The following SEMA6D variants were observed in gnomAD, a reference collection of about 807,000 sequenced individuals.
SEMA6D encodes semaphorin 6D, also known as semaphorin-6D.
In SEMA6D, 35 loss-of-function variants were observed where a neutral mutation model predicts 106.6. The ratio of observed to expected loss-of-function variants is 0.33; its 90% CI spans 0.25 to 0.44. The LOEUF (loss-of-function observed/expected upper bound fraction) is 0.44, where lower values mean the gene tolerates loss of function less well. SEMA6D is among the 20% of genes least tolerant of loss of function. The pLI is 1.00. For missense variants in SEMA6D, 1,185 were observed against 1,345.9 expected (o/e 0.88, Z 1.87); for synonymous variants, 499 against 487.7 (o/e 1.02, Z -0.31).
At chr15:47,356,527 G>A (rs1358064657) in intron 1 of SEMA6D, among the ~76,000 whole-genome samples, 2 of 151,088 alleles carry the variant, frequency 1.3e-5, no homozygotes, top group African/African-American at 4.9e-5. Flanking sequence ...AGAGGAGGAG[G>A]AGGAATTTAA....
At chr15:47,745,587 C>G (rs2081083389) in intron 1 of SEMA6D, among the ~76,000 whole-genome samples, 1 of 152,206 alleles carries the variant, frequency 6.6e-6, no homozygotes, top group African/African-American at 2.4e-5. Context: ...CATGGATTGA[C>G]CTAAACTCCC....
chr15:47,758,224 G>A (rs1178408638), intron 1 of SEMA6D, among the ~76,000 whole-genome samples: 1 of 152,148 alleles, frequency 6.6e-6, no homozygotes, highest in East Asian at 1.9e-4. Context: ...TTGTACTTTA[G>A]TTAGACACAT....
chr15:47,625,170 G>T (rs1475044226), intron 4 of SEMA6D, among the ~76,000 whole-genome samples: 2 of 151,972 alleles, frequency 1.3e-5, no homozygotes, highest in African/African-American at 4.8e-5. Flanking sequence ...AAGATTTTTT[G>T]GGGGGAGAAA....
At chr15:47,250,045 A>T (rs1321938192) in intron 1 of SEMA6D, among the ~76,000 whole-genome samples, 1 of 152,220 alleles carries the variant, frequency 6.6e-6, no homozygotes, top group Non-Finnish European at 1.5e-5. Context: ...ACAAGTGACC[A>T]GGTCATGGAT....
chr15:47,199,572 G>A (rs1894581722), intron 1 of SEMA6D, among the ~76,000 whole-genome samples: 1 of 152,066 alleles, frequency 6.6e-6, no homozygotes, highest in Admixed American at 6.6e-5. Context: ...TGATATTTCT[G>A]CAATTCCTTC....
At chr15:47,509,110 C>T (rs1001271308) in intron 3 of SEMA6D, among the ~76,000 whole-genome samples, 11 of 152,236 alleles carry the variant, frequency 7.2e-5, no homozygotes, top group African/African-American at 1.9e-4. Context: ...TCATGGGAAT[C>T]TGGTAATGCT....
intron 4 of SEMA6D, among the ~76,000 whole-genome samples, chr15:47,609,459 C>T (rs2076849790): frequency 6.6e-6 from 1 of 152,096 alleles, no homozygotes; most frequent in South Asian, 2.1e-4. Context: ...TTTTCAGTGG[C>T]CAGTTTTTTC....
intron 3 of SEMA6D, among the ~76,000 whole-genome samples, chr15:47,553,987 C>G (rs1183495334): frequency 6.6e-6 from 1 of 152,128 alleles, no homozygotes; most frequent in Non-Finnish European, 1.5e-5. Context: ...GAGGATGAGA[C>G]AAGGTATAGA....
intron 1 of SEMA6D, among the ~76,000 whole-genome samples, chr15:47,752,003 A>T (rs1418182486): frequency 6.6e-6 from 1 of 152,114 alleles, no homozygotes; most frequent in Non-Finnish European, 1.5e-5. Flanking sequence ...ACAGAGACAG[A>T]GTGTTAGAAG....
At chr15:47,724,761 C>T (rs533097552) in intron 1 of SEMA6D, among the ~76,000 whole-genome samples, 2 of 152,316 alleles carry the variant, frequency 1.3e-5, no homozygotes, top group South Asian at 4.1e-4. Flanking sequence ...TATTGAGCGT[C>T]TCTGGTCTAC....
intron 13 of SEMA6D, chr15:47,765,483 A>T (rs1313934635): frequency 3.1e-5 from 30 of 970,306 alleles, no homozygotes; most frequent in Admixed American, 1.1e-4. Context: ...AGACCATTAA[A>T]AAAAAAAACA....
intron 4 of SEMA6D, among the ~76,000 whole-genome samples, chr15:47,636,860 C>T (rs2077397920): frequency 6.6e-6 from 1 of 152,178 alleles, no homozygotes; most frequent in South Asian, 2.1e-4. Flanking sequence ...TTTCTGTTCT[C>T]TCCTTGTTAG....
rs182736402 is a variant in SEMA6D, at chr15:47,562,631, C to T, written c.-86-38234C>T. ...AATATCATTAGTCATTAGGGAGATG[C>T]GAATTAAAATCACAAAGAGATACAC... On this transcript the variant is annotated intron_variant, in intron 3 of 19. Transcript: ENST00000558014. 3.7e-3 allele frequency among the ~76,000 whole-genome samples: 561 copies of T among 151,754 alleles called. 2 individuals are homozygous for T. The highest frequency in any genetic ancestry group is 0.013 in the African/African-American group (537 of 41,408).
chr15:47,625,544 G>T (rs758276236), intron 4 of SEMA6D, among the ~76,000 whole-genome samples: 6 of 151,876 alleles, frequency 4.0e-5, no homozygotes, highest in Non-Finnish European at 7.4e-5. Flanking sequence ...GGGCAACATG[G>T]TGAAACCCCG....
At chr15:47,203,289 TCTGA>T (rs1894838847) in intron 1 of SEMA6D, among the ~76,000 whole-genome samples, 1 of 152,122 alleles carries the variant, frequency 6.6e-6, no homozygotes, top group African/African-American at 2.4e-5. Context: ...GAATTTCTTA[TCTGA>T]CTAAGAAAGC....
intron 1 of SEMA6D, among the ~76,000 whole-genome samples, chr15:47,727,565 A>G (rs1449304479): frequency 6.6e-6 from 1 of 152,224 alleles, no homozygotes; most frequent in Non-Finnish European, 1.5e-5. Flanking sequence ...TGCCTACGGC[A>G]CGAAGAGAAT....
At chr15:47,334,808 A>G (rs969637791) in intron 1 of SEMA6D, among the ~76,000 whole-genome samples, 1 of 152,222 alleles carries the variant, frequency 6.6e-6, no homozygotes, top group African/African-American at 2.4e-5. Context: ...TAAAGGTAAA[A>G]GTTACCAGTG....
intron 1 of SEMA6D, among the ~76,000 whole-genome samples, chr15:47,385,642 A>G (rs2039808946): frequency 6.6e-6 from 1 of 152,154 alleles, no homozygotes; most frequent in South Asian, 2.1e-4. Flanking sequence ...CCCCCAAGAA[A>G]AAGACTCATG....
At chr15:47,207,126 T>C (rs1790978426) in intron 1 of SEMA6D, among the ~76,000 whole-genome samples, 1 of 152,126 alleles carries the variant, frequency 6.6e-6, no homozygotes, top group Non-Finnish European at 1.5e-5. Flanking sequence ...CTCAATTCAC[T>C]TGAGGGTCCT....
Sources: gnomAD v4.1 joint callset for allele counts (sites outside exome capture counted in the v4.1 genomes callset) on GRCh38, gnomAD v4.1.1 for gene constraint, MANE v1.5 for transcripts, NCBI Gene and HGNC (gene_info 2026-07-23, HGNC 2026-07-21) for gene names.